The following COL4A6 variants were observed in gnomAD, a reference collection of about 807,000 sequenced individuals.
The protein encoded by COL4A6 is collagen type IV alpha 6 chain.
Under a neutral mutation model 126.7 loss-of-function variants are expected in COL4A6, and 59 were observed. The observed-to-expected ratio is 0.47, with a 90% CI of 0.38 to 0.58. COL4A6 has a LOEUF of 0.58. COL4A6 is among the 20% of genes least tolerant of loss of function. The probability of loss-of-function intolerance (pLI) is 0.00; values close to 1 mark genes in which losing one functional copy is unlikely to be tolerated. For synonymous variants in COL4A6, 547 were observed against 496.6 expected (o/e 1.10, Z -1.35); for missense variants, 1,285 against 1,337.3 (o/e 0.96, Z 0.61).
intron 3 of COL4A6, among the ~76,000 whole-genome samples, chrX:108,250,497 G>A (rs1402012356): frequency 9.0e-6 from 1 of 110,892 alleles, no homozygotes; most frequent in Non-Finnish European, 1.9e-5. Flanking sequence ...TTGATGACAA[G>A]GCTGTCAACC....
Position 108,166,147 on chromosome X carries a change from T to C in COL4A6, c.3692-661A>G, listed in dbSNP as rs1344204922. ...TTTGGCCAAAGAGAATAACCACTTA[T>C]TACAATAGATACAGAATACTCATTT... On this transcript the variant is annotated intron_variant, in intron 37 of 44. Transcript: ENST00000334504. Among the ~76,000 whole-genome samples the C allele has an allele frequency of 1.9e-4, 21 of 112,854 alleles. No individual in the cohort carries two copies. The Admixed American group carries it at 2.0e-3, about 11-fold the overall frequency.
intron 3 of COL4A6, among the ~76,000 whole-genome samples, chrX:108,223,695 G>A (rs964200911): frequency 9.0e-6 from 1 of 111,347 alleles, no homozygotes; most frequent in African/African-American, 3.3e-5. Context: ...GGAGAAGAGC[G>A]GTCTTTCAGG....
intron 13 of COL4A6, among the ~76,000 whole-genome samples, chrX:108,199,575 G>A (rs894449136): frequency 2.7e-5 from 3 of 111,311 alleles, no homozygotes; most frequent in Admixed American, 9.5e-5. Context: ...AATCAACTGG[G>A]GTTTCTATTT....
At chrX:108,162,640 T>C (rs1236160431) in intron 41 of COL4A6, among the ~76,000 whole-genome samples, 1 of 110,978 alleles carries the variant, frequency 9.0e-6, no homozygotes, top group Non-Finnish European at 1.9e-5. Context: ...TGCAGCACAT[T>C]AGAGAGGGGC....
intron 2 of COL4A6, among the ~76,000 whole-genome samples, chrX:108,348,459 A>AT (rs1286396050): frequency 1.8e-5 from 2 of 111,821 alleles, no homozygotes; most frequent in East Asian, 5.6e-4. Flanking sequence ...GGAAAAACGG[A>AT]TTTTTTTAAA....
chrX:108,374,791 G>A (rs1172540546), intron 2 of COL4A6, among the ~76,000 whole-genome samples: 9 of 111,923 alleles, frequency 8.0e-5, no homozygotes, highest in Admixed American at 7.6e-4. Context: ...CTTCACACTT[G>A]CTTTAAGGGT....
At chrX:108,294,108 T>C (rs2038247534) in intron 3 of COL4A6, among the ~76,000 whole-genome samples, 1 of 111,925 alleles carries the variant, frequency 8.9e-6, no homozygotes, top group African/African-American at 3.3e-5. Context: ...TTAGCCCTCA[T>C]AGCAGCCCTG....
chrX:108,227,274 C>A (rs1331517070), intron 3 of COL4A6, among the ~76,000 whole-genome samples: 1 of 112,080 alleles, frequency 8.9e-6, no homozygotes, highest in Non-Finnish European at 1.9e-5. Context: ...GACTGAGAAG[C>A]CAGTGGCCCA....
Position 108,161,590 on chromosome X carries a change from G to T in COL4A6, c.4333+29C>A, listed in dbSNP as rs747645350. 18 of 247,699 alleles carry T rather than the reference G, an allele frequency of 7.3e-5. 1 individual carries two copies. Among genetic ancestry groups the T allele is most frequent in the Non-Finnish European group, 1.1e-4 (16 of 139,458 alleles). 20.4% of individuals were successfully genotyped at this position (247,699 alleles called of 1,213,427 possible). A position where few individuals can be genotyped will look rare whatever the true frequency, so the allele number is the denominator to read the frequency against. ...CCTCCCAGACCACCATCCCCGCCCC[G>T]CCCGCCTCCTAATGTGGCATCATCA... On this transcript the variant is annotated intron_variant, in intron 42 of 44. Transcript: ENST00000334504.
intron 3 of COL4A6, among the ~76,000 whole-genome samples, chrX:108,245,071 G>A (rs1405580180): frequency 2.7e-5 from 3 of 112,324 alleles, no homozygotes; most frequent in African/African-American, 9.7e-5. Context: ...AAATCACAGA[G>A]GAAAACACTT....
intron 3 of COL4A6, among the ~76,000 whole-genome samples, chrX:108,278,158 T>C (rs753695912): frequency 3.6e-5 from 4 of 111,384 alleles, no homozygotes; most frequent in African/African-American, 9.8e-5. Flanking sequence ...CTTTGACGAG[T>C]TGAGAGAAGA....
At chrX:108,237,859 C>CATCCATCT (rs1487659060) in intron 3 of COL4A6, among the ~76,000 whole-genome samples, 1 of 91,640 alleles carries the variant, frequency 1.1e-5, no homozygotes, top group African/African-American at 4.0e-5. Flanking sequence ...CTGTCTCTAT[C>CATCCATCT]ATCTATCTAT....
intron 2 of COL4A6, among the ~76,000 whole-genome samples, chrX:108,382,230 G>A (rs1420899311): frequency 9.0e-6 from 1 of 111,656 alleles, no homozygotes; most frequent in Non-Finnish European, 1.9e-5. Flanking sequence ...CATTATGTCT[G>A]CTAGGATTTT....
At chrX:108,169,207 C>T (rs2148075110) in intron 37 of COL4A6, among the ~76,000 whole-genome samples, 1 of 111,958 alleles carries the variant, frequency 8.9e-6, no homozygotes, top group African/African-American at 3.2e-5. Context: ...TAATTGCAAG[C>T]TCTGACCAAG....
chrX:108,331,069 C>T (rs1256246265), intron 2 of COL4A6, among the ~76,000 whole-genome samples: 1 of 111,631 alleles, frequency 9.0e-6, no homozygotes, highest in African/African-American at 3.3e-5. Flanking sequence ...TTTCTTGTGG[C>T]TTTATTTTCC....
chrX:108,277,844 T>G (rs976908447), intron 3 of COL4A6, among the ~76,000 whole-genome samples: 18 of 111,948 alleles, frequency 1.6e-4, no homozygotes, highest in Non-Finnish European at 3.2e-4. Flanking sequence ...GAAAATCCGC[T>G]GTTCTGCAGC....
At chrX:108,262,783 C>G (rs973750921) in intron 3 of COL4A6, among the ~76,000 whole-genome samples, 2 of 111,588 alleles carry the variant, frequency 1.8e-5, no homozygotes, top group Non-Finnish European at 3.8e-5. Context: ...TTTGCCCCTA[C>G]TAATTCATAG....
chrX:108,184,766 A>G (rs1392369054), intron 23 of COL4A6, among the ~76,000 whole-genome samples: 1 of 112,503 alleles, frequency 8.9e-6, no homozygotes, highest in East Asian at 2.8e-4. Flanking sequence ...ATAGCTTACC[A>G]TATCATATTC....
rs909369551 is a variant in COL4A6, at chrX:108,389,757, T to C, written c.63+48185A>G. On this transcript the variant is annotated intron_variant, in intron 2 of 44. Coordinates refer to ENST00000334504, the MANE Select transcript of COL4A6 (RefSeq NM_033641.4). Reference sequence around the variant, plus strand: ...AAGGTTAATATCATTATACGTGAATTTGATCCTGTCGTTATGATGCTAGCT... The same window carrying C: ...AAGGTTAATATCATTATACGTGAATCTGATCCTGTCGTTATGATGCTAGCT... Among the ~76,000 whole-genome samples, 8 of 111,601 alleles carry C rather than the reference T, an allele frequency of 7.2e-5. No homozygotes were observed. The East Asian group carries it at 2.3e-3, about 31-fold the overall frequency.
Sources: allele counts gnomAD v4.1 joint callset (sites outside exome capture counted in the v4.1 genomes callset), GRCh38; gene constraint gnomAD v4.1.1; transcripts MANE v1.5; gene names NCBI Gene and HGNC (gene_info 2026-07-23, HGNC 2026-07-21).